The following NOC4L variants were observed in gnomAD, a reference collection of about 807,000 sequenced individuals.
NOC4L encodes nucleolar complex protein 4 homolog.
In NOC4L, 40 loss-of-function variants were observed where a neutral mutation model predicts 62.8. The observed-to-expected ratio is 0.64, with a 90% CI of 0.49 to 0.83. NOC4L has a LOEUF of 0.83. NOC4L is among the 40% of genes least tolerant of loss of function. The probability of loss-of-function intolerance (pLI) is 0.00; values close to 1 mark genes in which losing one functional copy is unlikely to be tolerated. For missense variants in NOC4L, 927 were observed against 701.9 expected (o/e 1.32, Z -3.62); for synonymous variants, 433 against 299.8 (o/e 1.44, Z -4.59).
In NOC4L at chr12:132,148,598, C is replaced by A. The variant is rs1174032328; in HGVS notation, c.739-11C>A. 4.5e-6 allele frequency: 7 copies of A among 1,549,568 alleles called. No individual in the cohort carries two copies. The Admixed American group carries it at 9.8e-5, about 22-fold the overall frequency. On this transcript the variant is annotated splice_polypyrimidine_tract_variant and intron_variant, in intron 7 of 14. Coordinates refer to ENST00000330579, the MANE Select transcript of NOC4L (RefSeq NM_024078.3). ...GGGAGGGCGGCGAGTGCAGTCTGGA[C>A]CCCGTTGCAGGAGCACAGGAGGGTT...
Position 132,144,951 on chromosome 12 carries a change from C to A in NOC4L, c.215C>A (p.Pro72His), listed in dbSNP as rs374684182. ...GGAGAGCTGTTTGTGGGCCAGCTGC[C>A]CTCTGAGGAGATGGTCATGACAGGT... is the stretch of plus-strand genomic sequence containing the variant. ...ERGELFVGQL[P>H]SEEMVMTGSQ... Residue 72 changes from proline to histidine, a missense_variant, in exon 2 of 15, where the codon CCC (proline) becomes CAC (histidine). Coordinates refer to ENST00000330579, the MANE Select transcript of NOC4L (RefSeq NM_024078.3). 2 of 1,600,284 alleles carry A rather than the reference C, an allele frequency of 1.2e-6. No individual in the cohort carries two copies. The highest frequency in any genetic ancestry group is 4.5e-5 in the East Asian group (2 of 44,402).
chr12:132,148,919 ACCACACCCC>A, intron 9 of NOC4L, 24 bp downstream of exon 9: 1 of 869,496 alleles, frequency 1.2e-6, no homozygotes, highest in Non-Finnish European at 1.6e-6. Context: ...CCTCGCTCAC[ACCACACCCC>A]TAATCCCCTC....
rs765400546 is a variant in NOC4L at position 132,148,903 on chromosome 12, C to T, written c.901+8C>T. On this transcript the variant is annotated splice_region_variant and intron_variant, in intron 9 of 14. Coordinates refer to ENST00000330579, the MANE Select transcript of NOC4L (RefSeq NM_024078.3). Reference sequence around the variant, plus strand: ...CCCGCGCCTGCGACCTCGGTGAGTGCCGCCGCCTCGCTCACACCACACCCC... The same window carrying T: ...CCCGCGCCTGCGACCTCGGTGAGTGTCGCCGCCTCGCTCACACCACACCCC... The T allele has an allele frequency of 3.4e-5, 44 of 1,298,552 alleles. No individual in the cohort carries two copies. The highest frequency in any genetic ancestry group is 8.8e-5 in the South Asian group (6 of 68,016). 80.4% of individuals were successfully genotyped at this position (1,298,552 alleles called of 1,614,324 possible).
intron 3 of NOC4L, chr12:132,146,127 A>G (rs61942923): frequency 0.049 from 20,185 of 414,450 alleles, 657 homozygotes; most frequent in African/African-American, 0.094. Flanking sequence ...CCGAAAAGAA[A>G]TCCTGTACCA....
chr12:132,145,736 A>G, intron 3 of NOC4L, 71 bp downstream of exon 3: 2 of 1,084,750 alleles, frequency 1.8e-6, no homozygotes, highest in Non-Finnish European at 2.7e-6. Context: ...CACAAAGCAG[A>G]GGTCTGGGGC....
In NOC4L at chr12:132,147,364, C is replaced by T. The variant is rs1897763455; in HGVS notation, c.429C>T (p.Tyr143=). The change falls in exon 4 of 15, where the codon TAC becomes TAT. Residue 143 remains tyrosine, a synonymous_variant. Coordinates refer to ENST00000330579, the MANE Select transcript of NOC4L (RefSeq NM_024078.3). ...PLEKSKWEGN[Y]LFPRELFKLV... is the part of the protein sequence containing the mutation. ...AGAAGTCCAAGTGGGAAGGCAACTACCTGTTCCCCCGAGAGCTCTTCAAGG... is the reference window on the plus strand; with the variant it reads ...AGAAGTCCAAGTGGGAAGGCAACTATCTGTTCCCCCGAGAGCTCTTCAAGG... 6.3e-7 allele frequency: 1 copy of T among 1,596,072 alleles called. No individual in the cohort carries two copies. Among genetic ancestry groups the T allele is most frequent in the Non-Finnish European group, 8.5e-7 (1 of 1,171,086 alleles).
intron 7 of NOC4L, 135 bp downstream of exon 7, chr12:132,148,241 A>C: frequency 2.2e-6 from 2 of 897,526 alleles, no homozygotes; most frequent in Non-Finnish European, 3.5e-6. Context: ...TTGCACGGCC[A>C]CCAGGTCACT....
At chr12:132,150,909 C>T (rs1263225688) in intron 9 of NOC4L, 72 bp from the exon 10 acceptor site, 3 of 1,135,404 alleles carry the variant, frequency 2.6e-6, no homozygotes, top group East Asian at 2.3e-5. Context: ...CACAGACTTA[C>T]ACTCAGTGTG....
intron 3 of NOC4L, chr12:132,146,308 C>G (rs1318523928): frequency 2.4e-5 from 11 of 455,942 alleles, no homozygotes; most frequent in Non-Finnish European, 4.4e-6. Context: ...GAAGTTCGTT[C>G]TCTTTGTGGC....
Position 132,151,493 on chromosome 12 carries a change from C to G in NOC4L, c.1083C>G (p.Pro361=). 1.2e-6 allele frequency: 2 copies of G among 1,602,844 alleles called. No individual in the cohort carries two copies. Among genetic ancestry groups the G allele is most frequent in the Non-Finnish European group, 1.7e-6 (2 of 1,179,130 alleles). The change falls in exon 12 of 15, where the codon CCC becomes CCG. Residue 361 remains proline, a synonymous_variant. Coordinates refer to ENST00000330579, the MANE Select transcript of NOC4L (RefSeq NM_024078.3). ...ADLFLSSSHL[P]AYLVAAFAKR... is the part of the protein sequence containing the mutation. ...CCACTGCCCTGCCCAGCCACCTCCC[C>G]GCCTACCTGGTGGCCGCCTTCGCCA...
chr12:132,147,698 G>A lies in NOC4L; in HGVS notation c.519G>A (p.Glu173=). The A allele has an allele frequency of 6.2e-7, 1 of 1,612,940 alleles. No individual in the cohort carries two copies. Among genetic ancestry groups the A allele is most frequent in the Non-Finnish European group, 8.5e-7 (1 of 1,179,958 alleles). The change falls in exon 5 of 15, where the codon GAG becomes GAA. Residue 173 remains glutamate, a synonymous_variant. Transcript: ENST00000330579. The part of the protein sequence containing the change: ...DQSLLLSQFR[E]YLDYDDTRYH... ...GCCTGCTCCTGTCCCAGTTCCGGGA[G>A]TACCTGGACTACGACGACACCCGCT...
intron 1 of NOC4L, 64 bp from the exon 2 acceptor site, chr12:132,144,790 C>T: frequency 2.6e-6 from 4 of 1,553,026 alleles, no homozygotes; most frequent in South Asian, 1.2e-5. Flanking sequence ...GGGTTGGGGG[C>T]AGCCTAGGCA....
intron 3 of NOC4L, among the ~76,000 whole-genome samples, chr12:132,146,030 G>A (rs977408150): frequency 2.6e-5 from 4 of 152,182 alleles, no homozygotes; most frequent in African/African-American, 4.8e-5. Context: ...AATAACTGAG[G>A]CACAGTTTAC....
At position 132,151,659 on chromosome 12, in the gene NOC4L, C is replaced by G; in HGVS notation, c.1234+15C>G. The G allele has an allele frequency of 6.2e-7, 1 of 1,611,494 alleles. No individual in the cohort carries two copies. Among genetic ancestry groups the G allele is most frequent in the Non-Finnish European group, 8.5e-7 (1 of 1,179,260 alleles). On this transcript the variant is annotated intron_variant, in intron 12 of 14. Coordinates refer to ENST00000330579, the MANE Select transcript of NOC4L (RefSeq NM_024078.3). ...ACACGGCCCTGGTGAGTTGCGGGGC[C>G]CTCGGAGGCTGGGCTGGAGCTGGGG...
chr12:132,148,236 C>T lies in NOC4L; in HGVS notation c.738+130C>T, dbSNP rs548640920. On this transcript the variant is annotated intron_variant, in intron 7 of 14. Coordinates refer to ENST00000330579, the MANE Select transcript of NOC4L (RefSeq NM_024078.3). ...CCCAGGGTACAGGTGGCAGCTTGCACGGCCACCAGGTCACTCGAAGTGTGG... is the reference window on the plus strand; with the variant it reads ...CCCAGGGTACAGGTGGCAGCTTGCATGGCCACCAGGTCACTCGAAGTGTGG... The T allele has an allele frequency of 6.7e-5, 62 of 931,162 alleles. 1 individual carries two copies. The highest frequency in any genetic ancestry group is 2.1e-4 in the African/African-American group (13 of 60,816). The allele number at this position is 931,162 out of a possible 1,614,324, so 57.7% of individuals were successfully genotyped here.
Position 132,144,892 on chromosome 12 carries a change from G to A in NOC4L, c.156G>A (p.Thr52=), listed in dbSNP as rs367739613. The change falls in exon 2 of 15, where the codon ACG becomes ACA. Residue 52 remains threonine (T), a synonymous_variant. Coordinates refer to ENST00000330579, the MANE Select transcript of NOC4L (RefSeq NM_024078.3). ...DQEEIQEAVR[T]CSRLFGALLE... is the part of the protein sequence containing the mutation. ...AGGAGATCCAGGAAGCAGTCCGCAC[G>A]TGCAGCCGTCTTTTCGGGGCCTTGC... 1.2e-6 allele frequency: 2 copies of A among 1,602,206 alleles called. No homozygotes were observed. Among genetic ancestry groups the A allele is most frequent in the Non-Finnish European group, 1.7e-6 (2 of 1,175,876 alleles).
At chr12:132,151,133 T>G in intron 10 of NOC4L, 92 bp downstream of exon 10, 1 of 1,432,794 alleles carries the variant, frequency 7.0e-7, no homozygotes, top group Non-Finnish European at 9.8e-7. Flanking sequence ...GGTCCCCGCT[T>G]TCCTCACAGG....
chr12:132,150,828 C>T, intron 9 of NOC4L, 153 bp from the exon 10 acceptor site: 2 of 649,170 alleles, frequency 3.1e-6, no homozygotes, highest in Middle Eastern at 4.1e-4. Context: ...ACTCCCCTGC[C>T]CTGCATGTGG....
intron 3 of NOC4L, chr12:132,146,482 T>C (rs1897732799): frequency 2.5e-6 from 1 of 406,004 alleles, no homozygotes; most frequent in African/African-American, 2.0e-5. Flanking sequence ...GCCTTATCAG[T>C]GGAATTACAA....
Sources: allele counts gnomAD v4.1 joint callset (sites outside exome capture counted in the v4.1 genomes callset), GRCh38; gene constraint gnomAD v4.1.1; transcripts MANE v1.5; gene names NCBI Gene and HGNC (gene_info 2026-07-23, HGNC 2026-07-21).